Variants in KCNMA1 observed in about 807,000 individuals in gnomAD.
KCNMA1 encodes the protein potassium calcium-activated channel subfamily M alpha 1.
In KCNMA1, 29 loss-of-function variants were observed where a neutral mutation model predicts 140.0. The ratio of observed to expected loss-of-function variants is 0.21; its 90% CI spans 0.15 to 0.28. The LOEUF (loss-of-function observed/expected upper bound fraction) is 0.28, where lower values mean the gene tolerates loss of function less well. Among genes scored for constraint, KCNMA1 ranks in the 10% least tolerant of loss-of-function variants. The pLI is 1.00. For synonymous variants in KCNMA1, 612 were observed against 611.9 expected (o/e 1.00, Z 0.00); for missense variants, 880 against 1,602.2 (o/e 0.55, Z 7.70).
intron 1 of KCNMA1, among the ~76,000 whole-genome samples, chr10:77,463,715 T>G (rs2097921534): frequency 1.3e-5 from 2 of 152,148 alleles, no homozygotes; most frequent in African/African-American, 4.8e-5. Flanking sequence ...TGAGAAGTGC[T>G]GTTTACTTAA....
At chr10:77,316,994 A>C (rs2081063526) in intron 2 of KCNMA1, among the ~76,000 whole-genome samples, 1 of 152,142 alleles carries the variant, frequency 6.6e-6, no homozygotes, top group Non-Finnish European at 1.5e-5. Flanking sequence ...CCTCATTCAT[A>C]AAATGGGGAC....
intron 19 of KCNMA1, among the ~76,000 whole-genome samples, chr10:76,996,192 T>G (rs1009761616): frequency 3.3e-5 from 5 of 152,186 alleles, no homozygotes; most frequent in African/African-American, 1.2e-4. Flanking sequence ...AGATGAGCGA[T>G]GTAAAGGATC....
At chr10:77,427,580 T>C (rs532563526) in intron 1 of KCNMA1, among the ~76,000 whole-genome samples, 1 of 152,180 alleles carries the variant, frequency 6.6e-6, no homozygotes, top group Non-Finnish European at 1.5e-5. Flanking sequence ...TTTGTCTCTA[T>C]ATTTAGAGAT....
chr10:77,062,313 CAGAAGGTGT>C (rs2095787012), intron 14 of KCNMA1, among the ~76,000 whole-genome samples: 3 of 152,176 alleles, frequency 2.0e-5, no homozygotes, highest in African/African-American at 7.2e-5. Flanking sequence ...TTGTTATGAT[CAGAAGGTGT>C]CTGTAAACAT....
intron 14 of KCNMA1, among the ~76,000 whole-genome samples, chr10:77,052,620 C>CAA (rs5786258): frequency 0.024 from 3,428 of 141,418 alleles, 59 homozygotes; most frequent in South Asian, 0.053. Flanking sequence ...GATGAGTGTG[C>CAA]AAAAAAAAAA....
Position 77,375,162 on chromosome 10 carries a change from G to A in KCNMA1, c.540+28700C>T, listed in dbSNP as rs1287217930. Among the ~76,000 whole-genome samples the A allele has an allele frequency of 3.9e-5, 6 of 152,266 alleles. No homozygotes were observed. The East Asian group carries it at 1.2e-3, about 29-fold the overall frequency. On this transcript the variant is annotated intron_variant, in intron 2 of 27. Coordinates refer to ENST00000286628, the MANE Select transcript of KCNMA1 (RefSeq NM_001161352.2). Reference sequence around the variant, plus strand: ...ATGGAGCTGTGGCACCATTGGCGGGGGACAGCTAGAGTCCAGGCACAGAGC... The same window carrying A: ...ATGGAGCTGTGGCACCATTGGCGGGAGACAGCTAGAGTCCAGGCACAGAGC...
intron 2 of KCNMA1, among the ~76,000 whole-genome samples, chr10:77,266,314 G>T (rs1354919228): frequency 6.6e-6 from 1 of 152,154 alleles, no homozygotes; most frequent in Non-Finnish European, 1.5e-5. Flanking sequence ...GGAACCCAGG[G>T]TCATGACTCT....
intron 1 of KCNMA1, among the ~76,000 whole-genome samples, chr10:77,530,069 C>T (rs1024347986): frequency 6.6e-6 from 1 of 152,204 alleles, no homozygotes; most frequent in Non-Finnish European, 1.5e-5. Context: ...CTTTTAAATT[C>T]GTTTCCTCTT....
At chr10:76,962,115 T>C (rs2071748489) in intron 20 of KCNMA1, among the ~76,000 whole-genome samples, 1 of 152,212 alleles carries the variant, frequency 6.6e-6, no homozygotes, top group Non-Finnish European at 1.5e-5. Context: ...AAATCCCTTT[T>C]CTAGCAAACC....
chr10:77,108,173 C>G lies in KCNMA1; in HGVS notation c.1223+308G>C. The G allele has an allele frequency of 1.2e-6, 1 of 854,702 alleles. No individual in the cohort carries two copies. Among genetic ancestry groups the G allele is most frequent in the Non-Finnish European group, 1.8e-6 (1 of 571,148 alleles). 52.9% of individuals were successfully genotyped at this position (854,702 alleles called of 1,614,324 possible). Reference sequence around the variant, plus strand: ...ATCACACCCCATGCAGAAACTGGGCCTTCCCTCACAGAAGCACCCGGTGGG... The same window carrying G: ...ATCACACCCCATGCAGAAACTGGGCGTTCCCTCACAGAAGCACCCGGTGGG... On this transcript the variant is annotated intron_variant, in intron 9 of 27. Transcript: ENST00000286628. The surrounding 1 kb of genome is among the most constrained non-coding windows in gnomAD (Gnocchi z 4.6).
chr10:77,619,347 G>A (rs568046478), intron 1 of KCNMA1, among the ~76,000 whole-genome samples: 158 of 146,848 alleles, frequency 1.1e-3, no homozygotes, highest in African/African-American at 3.1e-3. Flanking sequence ...TCTCTCTCTC[G>A]TATGCCCACG....
Position 77,060,603 on chromosome 10 carries a change from T to A in KCNMA1, c.1749+12494A>T, listed in dbSNP as rs536669157. Among the ~76,000 whole-genome samples the A allele has an allele frequency of 8.9e-4, 136 of 152,342 alleles. 2 individuals carry two copies. The Middle Eastern group carries it at 0.034, about 38-fold the overall frequency. On this transcript the variant is annotated intron_variant, in intron 14 of 27. Coordinates refer to ENST00000286628, the MANE Select transcript of KCNMA1 (RefSeq NM_001161352.2). ...GACATTGGGACATGTGAGTTGCTGA[T>A]CTTCAGCTCTGATTTTGGACTTGAA...
intron 2 of KCNMA1, among the ~76,000 whole-genome samples, chr10:77,371,129 T>C (rs1050528805): frequency 1.3e-5 from 2 of 152,208 alleles, no homozygotes; most frequent in Non-Finnish European, 1.5e-5. Context: ...ACCAAATTCA[T>C]ACTACTTACC....
At chr10:77,634,165 T>C in intron 1 of KCNMA1, 2 of 985,406 alleles carry the variant, frequency 2.0e-6, no homozygotes, top group Non-Finnish European at 2.4e-6. Context: ...CCCTATTCAA[T>C]ATAGTCTATG....
At chr10:77,062,580 G>A (rs1186448077) in intron 14 of KCNMA1, among the ~76,000 whole-genome samples, 1 of 152,144 alleles carries the variant, frequency 6.6e-6, no homozygotes, top group African/African-American at 2.4e-5. Flanking sequence ...CTTGGCTTGA[G>A]CAATACATCC....
chr10:77,410,451 G>C (rs2096594089), intron 1 of KCNMA1, among the ~76,000 whole-genome samples: 1 of 152,212 alleles, frequency 6.6e-6, no homozygotes, highest in African/African-American at 2.4e-5. Flanking sequence ...GCCAAGCCTT[G>C]AAGCTCCAAG....
intron 25 of KCNMA1, among the ~76,000 whole-genome samples, chr10:76,897,765 A>G (rs2152059718): frequency 6.6e-6 from 1 of 152,190 alleles, no homozygotes; most frequent in South Asian, 2.1e-4. Context: ...TAAAAAAATG[A>G]CAAAACTAGC....
At chr10:77,212,443 A>G (rs930345573) in intron 3 of KCNMA1, among the ~76,000 whole-genome samples, 14 of 152,136 alleles carry the variant, frequency 9.2e-5, no homozygotes, top group African/African-American at 3.4e-4. Flanking sequence ...ACTATGGACT[A>G]CTAGAGAGGG....
chr10:76,985,915 C>T (rs2081138370), intron 19 of KCNMA1, among the ~76,000 whole-genome samples: 3 of 151,886 alleles, frequency 2.0e-5, no homozygotes, highest in African/African-American at 7.3e-5. Context: ...TGATCTCTAA[C>T]ATAAAAAAAT....
Sources: allele counts gnomAD v4.1 joint callset (sites outside exome capture counted in the v4.1 genomes callset), GRCh38; gene constraint gnomAD v4.1.1; non-coding constraint Gnocchi (gnomAD v3.1); transcripts MANE v1.5; gene names NCBI Gene and HGNC (gene_info 2026-07-23, HGNC 2026-07-21).